The following TRIP4 variants were observed in gnomAD, a reference collection of about 807,000 sequenced individuals.
TRIP4 encodes thyroid hormone receptor interactor 4.
A neutral mutation model predicts 81.8 loss-of-function variants in TRIP4; 54 were observed. That is an observed-to-expected ratio of 0.66 (90% CI 0.53 to 0.83). TRIP4 has a LOEUF of 0.83. Among genes scored for constraint, TRIP4 ranks in the 40% least tolerant of loss-of-function variants. TRIP4 has a pLI of 0.00. For missense variants in TRIP4, 662 were observed against 683.6 expected, an observed-to-expected ratio of 0.97 and a Z score of 0.35; for synonymous variants, 270 against 242.8, an observed-to-expected ratio of 1.11 and a Z score of -1.04.
chr15:64,438,998 C>A (rs1892460380), intron 11 of TRIP4, among the ~76,000 whole-genome samples: 1 of 152,214 alleles, frequency 6.6e-6, no homozygotes, highest in Admixed American at 6.5e-5. Context: ...AGATACTAGG[C>A]ATGTGACTTG....
chr15:64,398,988 C>T lies in TRIP4; in HGVS notation c.618+1170C>T, dbSNP rs189015846. Among the ~76,000 whole-genome samples the T allele has an allele frequency of 2.5e-3, 310 of 125,208 alleles. 1 individual carries two copies. Among genetic ancestry groups the T allele is most frequent in the African/African-American group, 9.5e-3 (297 of 31,254 alleles). 82.1% of individuals were successfully genotyped at this position (125,208 alleles called of 152,430 possible). ...TTTTTGAGACGGAGTCTCACTCTGT[C>T]GCCCAGGCTGGAGAGCAGTGGCACA... is the stretch of plus-strand genomic sequence containing the variant. On this transcript the variant is annotated intron_variant, in intron 4 of 12. Coordinates refer to ENST00000261884, the MANE Select transcript of TRIP4 (RefSeq NM_016213.5).
At chr15:64,439,349 G>C (rs1380099421) in intron 11 of TRIP4, among the ~76,000 whole-genome samples, 1 of 151,814 alleles carries the variant, frequency 6.6e-6, no homozygotes, top group Non-Finnish European at 1.5e-5. Flanking sequence ...AGTCTTCTTG[G>C]AGTTGGTTTT....
chr15:64,412,976 G>A (rs1053713179), intron 7 of TRIP4, among the ~76,000 whole-genome samples: 10 of 152,140 alleles, frequency 6.6e-5, no homozygotes, highest in African/African-American at 2.4e-4. Flanking sequence ...TGTTTAGATA[G>A]TGGGTACTAT....
intron 5 of TRIP4, among the ~76,000 whole-genome samples, chr15:64,404,466 G>A (rs548722332): frequency 2.7e-5 from 4 of 146,656 alleles, no homozygotes; most frequent in South Asian, 2.2e-4. Flanking sequence ...GATTGCGGGC[G>A]CCTGCCACCA....
intron 4 of TRIP4, 52 bp from the exon 5 acceptor site, chr15:64,400,691 A>G (rs1045879991): frequency 7.1e-7 from 1 of 1,412,010 alleles, no homozygotes; most frequent in Non-Finnish European, 1.0e-6. Flanking sequence ...ATATCAAGAA[A>G]GCAATATAAT....
At position 64,455,104 on chromosome 15, in the gene TRIP4, T is replaced by G. The variant is rs1596369567; in HGVS notation, c.*40T>G. 1 of 1,589,488 alleles carries G rather than the reference T, an allele frequency of 6.3e-7. No homozygotes were observed. Among genetic ancestry groups the G allele is most frequent in the East Asian group, 2.2e-5 (1 of 44,698 alleles). On this transcript the variant is annotated 3_prime_UTR_variant, in exon 13 of 13. Coordinates refer to ENST00000261884, the MANE Select transcript of TRIP4 (RefSeq NM_016213.5). ...AACTATACAGCATAGTGGAGTTTTG[T>G]GTACTAAAATTGCTATCTACTGGTC...
At position 64,393,929 on chromosome 15, in the gene TRIP4, T is replaced by C. The variant is rs754319057; in HGVS notation, c.102-17T>C. The C allele has an allele frequency of 7.7e-6, 12 of 1,565,084 alleles. No individual in the cohort carries two copies. Among genetic ancestry groups the C allele is most frequent in the Non-Finnish European group, 1.0e-5 (12 of 1,157,804 alleles). On this transcript the variant is annotated splice_polypyrimidine_tract_variant and intron_variant, in intron 1 of 12. Coordinates refer to ENST00000261884, the MANE Select transcript of TRIP4 (RefSeq NM_016213.5). Reference sequence around the variant, plus strand: ...AAGTTAGTCTTGTTTCAACAACTTATATCTTTGCCTCCTGAGGTACGTTTT... The same window carrying C: ...AAGTTAGTCTTGTTTCAACAACTTACATCTTTGCCTCCTGAGGTACGTTTT...
At chr15:64,405,031 C>G (rs982888915) in intron 5 of TRIP4, among the ~76,000 whole-genome samples, 1 of 151,980 alleles carries the variant, frequency 6.6e-6, no homozygotes, top group Non-Finnish European at 1.5e-5. Context: ...CTATGGCTCT[C>G]TTTTCTGGGA....
At chr15:64,420,257 G>A (rs987607544) in intron 9 of TRIP4, among the ~76,000 whole-genome samples, 6 of 151,574 alleles carry the variant, frequency 4.0e-5, no homozygotes, top group African/African-American at 1.5e-4. Context: ...GAGTAGCTGG[G>A]TTCACACGCA....
At chr15:64,440,254 A>G (rs563401600) in intron 11 of TRIP4, among the ~76,000 whole-genome samples, 1 of 151,230 alleles carries the variant, frequency 6.6e-6, no homozygotes, top group Admixed American at 6.6e-5. Flanking sequence ...AATAATAAAT[A>G]TAAAATAAAA....
intron 11 of TRIP4, among the ~76,000 whole-genome samples, chr15:64,427,007 A>G (rs1892165536): frequency 6.6e-6 from 1 of 152,142 alleles, no homozygotes; most frequent in African/African-American, 2.4e-5. Flanking sequence ...CTCAAAAAAA[A>G]GAAAAAAAAA....
At chr15:64,439,838 A>G (rs1200087423) in intron 11 of TRIP4, among the ~76,000 whole-genome samples, 1 of 151,912 alleles carries the variant, frequency 6.6e-6, no homozygotes, top group African/African-American at 2.4e-5. Context: ...TATAAATCTT[A>G]TATCTGGAGA....
At chr15:64,427,899 C>G (rs1892183970) in intron 11 of TRIP4, among the ~76,000 whole-genome samples, 1 of 152,182 alleles carries the variant, frequency 6.6e-6, no homozygotes, top group Non-Finnish European at 1.5e-5. Flanking sequence ...TGTGCCTGCA[C>G]TATCCCTCTG....
intron 1 of TRIP4, among the ~76,000 whole-genome samples, chr15:64,388,504 T>G (rs965356383): frequency 1.3e-5 from 2 of 152,082 alleles, no homozygotes; most frequent in African/African-American, 4.8e-5. Context: ...AGTCAGTGTT[T>G]CACCATGTTG....
At chr15:64,406,824 G>T (rs1333337152) in intron 6 of TRIP4, among the ~76,000 whole-genome samples, 1 of 152,192 alleles carries the variant, frequency 6.6e-6, no homozygotes. Flanking sequence ...TGGAGAATCT[G>T]TAAGGAATTG....
At chr15:64,397,496 G>C in intron 3 of TRIP4, 110 bp from the exon 4 acceptor site, 2 of 1,031,186 alleles carry the variant, frequency 1.9e-6, no homozygotes, top group South Asian at 3.5e-5. Flanking sequence ...TTCTTTCTTG[G>C]TTCTTGGATA....
At chr15:64,415,997 C>G (rs1315547820) in intron 8 of TRIP4, among the ~76,000 whole-genome samples, 1 of 152,088 alleles carries the variant, frequency 6.6e-6, no homozygotes, top group Non-Finnish European at 1.5e-5. Context: ...GCAATAGCAC[C>G]ATGGAAAGAT....
At chr15:64,434,803 G>C (rs1457602701) in intron 11 of TRIP4, among the ~76,000 whole-genome samples, 1 of 152,134 alleles carries the variant, frequency 6.6e-6, no homozygotes, top group Non-Finnish European at 1.5e-5. Context: ...AGAGAAAGTG[G>C]TCTATTTGAT....
rs1447462959 is a variant in TRIP4, at chr15:64,454,155, A to T, written c.1679-842A>T. On this transcript the variant is annotated intron_variant, in intron 12 of 12. Coordinates refer to ENST00000261884, the MANE Select transcript of TRIP4 (RefSeq NM_016213.5). ...TTTCTTTTTTTTTTTTAGTGCTGAG[A>T]CTGAACTGAATTATGTTTCTATTTT... 4.1e-5 allele frequency among the ~76,000 whole-genome samples: 6 copies of T among 145,904 alleles called. No individual in the cohort carries two copies. The Admixed American group carries it at 4.2e-4, about 10-fold the overall frequency.
Sources: allele counts gnomAD v4.1 joint callset (sites outside exome capture counted in the v4.1 genomes callset), GRCh38; gene constraint gnomAD v4.1.1; transcripts MANE v1.5; gene names NCBI Gene and HGNC (gene_info 2026-07-23, HGNC 2026-07-21).